KLF12: variants seen among roughly 807,000 people sequenced by gnomAD.
KLF12 encodes the protein KLF transcription factor 12, also known as Krueppel-like factor 12.
A neutral mutation model predicts 37.8 loss-of-function variants in KLF12; 9 were observed. The observed-to-expected ratio is 0.24, with a 90% CI of 0.14 to 0.42. The LOEUF (loss-of-function observed/expected upper bound fraction) is 0.42, where lower values mean the gene tolerates loss of function less well. Ranked by LOEUF, KLF12 falls within the 10% of genes least tolerant of loss-of-function variation. The probability of loss-of-function intolerance (pLI) is 1.00; values close to 1 mark genes in which losing one functional copy is unlikely to be tolerated. For synonymous variants in KLF12, 208 were observed against 202.1 expected (o/e 1.03, Z -0.25); for missense variants, 411 against 516.0 (o/e 0.80, Z 1.97).
intron 3 of KLF12, among the ~76,000 whole-genome samples, chr13:73,869,848 C>T (rs1886380296): frequency 6.6e-6 from 1 of 152,114 alleles, no homozygotes; most frequent in South Asian, 2.1e-4. Flanking sequence ...TTGCTTTCTC[C>T]TTTGACAAAA....
intron 3 of KLF12, 96 bp downstream of exon 3, chr13:73,943,885 G>A: frequency 2.7e-6 from 2 of 747,352 alleles, no homozygotes; most frequent in Non-Finnish European, 4.5e-6. Flanking sequence ...TTAAGCAAGG[G>A]AAACCGTAGA....
At chr13:73,791,657 T>C (rs934921884) in intron 5 of KLF12, among the ~76,000 whole-genome samples, 2 of 152,184 alleles carry the variant, frequency 1.3e-5, no homozygotes, top group African/African-American at 4.8e-5. Context: ...TGTAGTATGA[T>C]TTGTTTGATT....
At chr13:74,068,558 CT>C (rs71115634) in intron 1 of KLF12, among the ~76,000 whole-genome samples, 48,271 of 134,868 alleles carry the variant, frequency 0.36, 8,087 homozygotes, top group African/African-American at 0.47. Context: ...AAATTTTTTT[CT>C]TTTTTTTTTT....
chr13:74,096,866 G>C (rs1261682510), intron 1 of KLF12, among the ~76,000 whole-genome samples: 3 of 152,148 alleles, frequency 2.0e-5, no homozygotes, highest in African/African-American at 4.8e-5. Context: ...CAAAAAGGTG[G>C]AAAACAGTTT....
intron 4 of KLF12, among the ~76,000 whole-genome samples, chr13:73,820,885 AC>A (rs924491582): frequency 1.3e-5 from 2 of 151,982 alleles, no homozygotes; most frequent in African/African-American, 4.8e-5. Context: ...TCTTCTTAAA[AC>A]TTTCTTCTCC....
the KLF12 span, among the ~76,000 whole-genome samples, chr13:74,185,061 C>T: frequency 6.6e-6 from 1 of 152,076 alleles, no homozygotes; most frequent in East Asian, 1.9e-4. Context: ...CGAATATGGC[C>T]CTACTCCCTG....
At chr13:74,087,963 GA>G (rs1295005869) in intron 1 of KLF12, among the ~76,000 whole-genome samples, 2 of 152,050 alleles carry the variant, frequency 1.3e-5, no homozygotes, top group African/African-American at 2.4e-5. Flanking sequence ...GAACACTGAT[GA>G]GGGGCATGAC....
chr13:73,765,386 G>T (rs1309856179), intron 5 of KLF12, among the ~76,000 whole-genome samples: 2 of 152,060 alleles, frequency 1.3e-5, no homozygotes, highest in African/African-American at 4.8e-5. Flanking sequence ...CCATGAGGGT[G>T]GGCACAAAGA....
the KLF12 span, among the ~76,000 whole-genome samples, chr13:74,169,809 A>G: frequency 1.3e-5 from 2 of 152,196 alleles, no homozygotes; most frequent in African/African-American, 2.4e-5. Context: ...ATGAACATGA[A>G]GATTGTCTGG....
chr13:73,889,944 A>C (rs964434250), intron 3 of KLF12, among the ~76,000 whole-genome samples: 2 of 152,144 alleles, frequency 1.3e-5, no homozygotes, highest in Non-Finnish European at 2.9e-5. Context: ...CTGAATTTTG[A>C]AGCCTACTCT....
intron 1 of KLF12, among the ~76,000 whole-genome samples, chr13:74,056,322 T>A (rs1873241650): frequency 6.6e-6 from 1 of 152,196 alleles, no homozygotes; most frequent in African/African-American, 2.4e-5. Flanking sequence ...TGACTGTCAC[T>A]TCTTTCTAAA....
chr13:74,223,094 G>C, the KLF12 span, among the ~76,000 whole-genome samples: 12 of 152,278 alleles, frequency 7.9e-5, no homozygotes, highest in African/African-American at 2.9e-4. Context: ...TAAACATCTG[G>C]ATCCTTTTTG....
At chr13:74,188,752 T>C in the KLF12 span, among the ~76,000 whole-genome samples, 1 of 152,104 alleles carries the variant, frequency 6.6e-6, no homozygotes, top group Non-Finnish European at 1.5e-5. Context: ...TCTCAGCACT[T>C]TGGAAGGCCG....
At chr13:73,811,388 G>A (rs1348622144) in intron 5 of KLF12, among the ~76,000 whole-genome samples, 1 of 152,112 alleles carries the variant, frequency 6.6e-6, no homozygotes, top group Non-Finnish European at 1.5e-5. Context: ...TTTATTATGT[G>A]ACTGGAAAAG....
the KLF12 span, among the ~76,000 whole-genome samples, chr13:74,282,597 G>T: frequency 6.6e-6 from 1 of 152,200 alleles, no homozygotes; most frequent in Admixed American, 6.5e-5. Flanking sequence ...CTCCTGAGAG[G>T]CTGTGTGATG....
chr13:73,739,017 T>C (rs2137874629), intron 6 of KLF12, among the ~76,000 whole-genome samples: 1 of 152,240 alleles, frequency 6.6e-6, no homozygotes, highest in East Asian at 1.9e-4. Context: ...GGTGGATCAC[T>C]TGAAGTCAGC....
At position 74,021,260 on chromosome 13, in the gene KLF12, GA is replaced by G. The variant is rs1307519202; in HGVS notation, c.-31-26208del. On this transcript the variant is annotated intron_variant, in intron 1 of 7. Transcript: ENST00000377669. ...TCACATCAGGAATGATCAGGCATTT[GA>G]CTCAATAGCATTACTCCCACTTTTC... Among the ~76,000 whole-genome samples the G allele has an allele frequency of 3.3e-5, 5 of 152,050 alleles. No homozygotes were observed. The East Asian group carries it at 9.7e-4, about 29-fold the overall frequency.
At chr13:74,285,727 T>A in the KLF12 span, among the ~76,000 whole-genome samples, 1 of 152,234 alleles carries the variant, frequency 6.6e-6, no homozygotes, top group South Asian at 2.1e-4. Flanking sequence ...ACAACATCCC[T>A]GAGGCTCAGT....
chr13:74,230,383 C>T, the KLF12 span, among the ~76,000 whole-genome samples: 2 of 152,100 alleles, frequency 1.3e-5, no homozygotes, highest in African/African-American at 2.4e-5. Context: ...TTTATAGCAG[C>T]GTGAGAATGG....
Sources: gnomAD v4.1 joint callset for allele counts (sites outside exome capture counted in the v4.1 genomes callset) on GRCh38, gnomAD v4.1.1 for gene constraint, MANE v1.5 for transcripts, NCBI Gene and HGNC (gene_info 2026-07-23, HGNC 2026-07-21) for gene names.